Variants in MACROD1 observed in about 807,000 individuals in gnomAD.
MACROD1 encodes mono-ADP ribosylhydrolase 1.
A neutral mutation model predicts 41.4 loss-of-function variants in MACROD1; 31 were observed. That is an observed-to-expected ratio of 0.75 (90% CI 0.56 to 1.01). MACROD1 has a LOEUF of 1.01. Among genes scored for constraint, MACROD1 ranks in the 50% least tolerant of loss-of-function variants. The pLI is 0.00. For synonymous variants in MACROD1, 252 were observed against 203.4 expected (o/e 1.24, Z -2.03); for missense variants, 473 against 460.0 (o/e 1.03, Z -0.26).
At chr11:64,123,846 C>A (rs1447428257) in intron 3 of MACROD1, among the ~76,000 whole-genome samples, 1 of 152,148 alleles carries the variant, frequency 6.6e-6, no homozygotes, top group African/African-American at 2.4e-5. Flanking sequence ...GAAACTCTAG[C>A]CCAGCAAAGG....
intron 3 of MACROD1, among the ~76,000 whole-genome samples, chr11:64,095,475 A>G (rs912516258): frequency 5.3e-5 from 8 of 152,178 alleles, no homozygotes; most frequent in Non-Finnish European, 8.8e-5. Flanking sequence ...CCCTTGGCAC[A>G]GGCTCTTGCT....
At position 64,137,249 on chromosome 11, in the gene MACROD1, G is replaced by A. The variant is rs1945345625; in HGVS notation, c.517+13990C>T. On this transcript the variant is annotated intron_variant, in intron 3 of 10. Transcript: ENST00000255681. ...GCTGCCGTGAGCACGACACAGGGGA[G>A]TCGACAGTGACAAATAGGAGGGCAG... Among the ~76,000 whole-genome samples, 4 of 152,322 alleles carry A rather than the reference G, an allele frequency of 2.6e-5. No homozygotes were observed. The South Asian group carries it at 8.3e-4, about 32-fold the overall frequency.
At chr11:63,999,265 C>T in intron 8 of MACROD1, 66 bp downstream of exon 8, 1 of 1,518,040 alleles carries the variant, frequency 6.6e-7, no homozygotes, top group East Asian at 2.4e-5. Context: ...ACTCCCTGGG[C>T]GATGATGGGG....
intron 3 of MACROD1, among the ~76,000 whole-genome samples, chr11:64,020,412 C>G (rs1246496664): frequency 2.6e-5 from 4 of 152,108 alleles, no homozygotes; most frequent in African/African-American, 7.2e-5. Flanking sequence ...AGTAGGGAAC[C>G]CTGGGGGACT....
intron 3 of MACROD1, among the ~76,000 whole-genome samples, chr11:64,131,876 C>T (rs1475988318): frequency 2.0e-5 from 3 of 152,066 alleles, no homozygotes; most frequent in Non-Finnish European, 2.9e-5. Context: ...GCAAACAGGC[C>T]CTTGAAAGAA....
intron 3 of MACROD1, among the ~76,000 whole-genome samples, chr11:64,034,906 T>TA (rs1466017455): frequency 2.0e-5 from 3 of 152,038 alleles, no homozygotes; most frequent in Non-Finnish European, 2.9e-5. Flanking sequence ...GTCCCTTACT[T>TA]AGTGTCCCAG....
At chr11:64,066,703 G>C (rs1344971918) in intron 3 of MACROD1, among the ~76,000 whole-genome samples, 1 of 151,884 alleles carries the variant, frequency 6.6e-6, no homozygotes, top group Non-Finnish European at 1.5e-5. Context: ...TGCCTGCAAG[G>C]TGGGAATACG....
At chr11:64,054,507 C>A (rs1943748863) in intron 3 of MACROD1, among the ~76,000 whole-genome samples, 1 of 152,140 alleles carries the variant, frequency 6.6e-6, no homozygotes, top group African/African-American at 2.4e-5. Flanking sequence ...GCCCTCACCC[C>A]TTGCATCTTC....
chr11:64,071,527 T>C, intron 3 of MACROD1, among the ~76,000 whole-genome samples: 1 of 152,044 alleles, frequency 6.6e-6, no homozygotes, highest in East Asian at 1.9e-4. Context: ...CTGGGGCCCA[T>C]CCCAGACCAG....
At chr11:64,152,072 T>C (rs949671005) in intron 2 of MACROD1, among the ~76,000 whole-genome samples, 2 of 152,188 alleles carry the variant, frequency 1.3e-5, no homozygotes, top group African/African-American at 2.4e-5. Flanking sequence ...GAGGTTGCAG[T>C]GAGCCAAGAT....
intron 3 of MACROD1, among the ~76,000 whole-genome samples, chr11:64,128,590 C>T (rs889799122): frequency 6.6e-6 from 1 of 152,020 alleles, no homozygotes; most frequent in South Asian, 2.1e-4. Flanking sequence ...TTCTGCGCCC[C>T]ACTCAGGAAG....
intron 3 of MACROD1, among the ~76,000 whole-genome samples, chr11:64,027,953 CAG>C (rs1483968625): frequency 6.6e-6 from 1 of 152,248 alleles, no homozygotes; most frequent in African/African-American, 2.4e-5. Flanking sequence ...TCAGTAAAGA[CAG>C]AGGAAAGGCA....
At chr11:64,085,408 C>T (rs994258860) in intron 3 of MACROD1, among the ~76,000 whole-genome samples, 4 of 152,164 alleles carry the variant, frequency 2.6e-5, no homozygotes, top group East Asian at 1.9e-4. Context: ...CTTCCGGGGA[C>T]GGAGGGCGGG....
At chr11:64,053,197 G>C (rs1436608103) in intron 3 of MACROD1, among the ~76,000 whole-genome samples, 1 of 152,190 alleles carries the variant, frequency 6.6e-6, no homozygotes, top group Non-Finnish European at 1.5e-5. Flanking sequence ...GGGTGGGCGT[G>C]CTGGGGAGCA....
chr11:64,096,812 T>C lies in MACROD1; in HGVS notation c.517+54427A>G, dbSNP rs1207555303. ...GGAAGAGGGCAGGCCTGTGGGGGGCTGCCGTGTCCCCATACCCTCCAAGCA... is the reference window on the plus strand; with the variant it reads ...GGAAGAGGGCAGGCCTGTGGGGGGCCGCCGTGTCCCCATACCCTCCAAGCA... On this transcript the variant is annotated intron_variant, in intron 3 of 10. Coordinates refer to ENST00000255681, the MANE Select transcript of MACROD1 (RefSeq NM_014067.4). This position sits in a 1 kb window ranked among gnomAD's most constrained non-coding sequence, Gnocchi z 4.6. Among the ~76,000 whole-genome samples the C allele has an allele frequency of 6.6e-6, 1 of 152,196 alleles. No individual in the cohort carries two copies. Among genetic ancestry groups the C allele is most frequent in the Non-Finnish European group, 1.5e-5 (1 of 68,034 alleles).
intron 3 of MACROD1, among the ~76,000 whole-genome samples, chr11:64,130,062 G>A (rs1014427793): frequency 2.6e-5 from 4 of 152,090 alleles, no homozygotes; most frequent in African/African-American, 7.2e-5. Context: ...TGGATGCCAG[G>A]AGATGGGGTG....
At chr11:64,099,294 A>G (rs2134551063) in intron 3 of MACROD1, among the ~76,000 whole-genome samples, 1 of 152,394 alleles carries the variant, frequency 6.6e-6, no homozygotes, top group Admixed American at 6.5e-5. Flanking sequence ...CTCACATTGT[A>G]GCCCTCTGAA....
At chr11:64,070,699 A>T (rs529440981) in intron 3 of MACROD1, among the ~76,000 whole-genome samples, 59 of 152,348 alleles carry the variant, frequency 3.9e-4, no homozygotes, top group African/African-American at 1.4e-3. Flanking sequence ...GACTTTGAAA[A>T]ATAAAAAAGG....
At chr11:64,161,042 G>A (rs1363213983) in intron 1 of MACROD1, among the ~76,000 whole-genome samples, 1 of 151,734 alleles carries the variant, frequency 6.6e-6, no homozygotes, top group Non-Finnish European at 1.5e-5. Flanking sequence ...GTGGTGGCGG[G>A]TGCCTGTAAT....
Sources: gnomAD v4.1 joint callset for allele counts (sites outside exome capture counted in the v4.1 genomes callset) on GRCh38, gnomAD v4.1.1 for gene constraint, Gnocchi (gnomAD v3.1) non-coding constraint, MANE v1.5 for transcripts, NCBI Gene and HGNC (gene_info 2026-07-23, HGNC 2026-07-21) for gene names.